The following LRRC4C variants were observed in gnomAD, a reference collection of about 807,000 sequenced individuals.
LRRC4C encodes leucine rich repeat containing 4C, also known as leucine-rich repeat-containing protein 4C.
A neutral mutation model predicts 33.6 loss-of-function variants in LRRC4C; 5 were observed. That is an observed-to-expected ratio of 0.15 (90% CI 0.08 to 0.31). LRRC4C has a LOEUF of 0.31. Among genes scored for constraint, LRRC4C ranks in the 10% least tolerant of loss-of-function variants. The pLI, the probability that LRRC4C is intolerant of heterozygous loss-of-function variation, is 1.00. For missense variants in LRRC4C, 560 were observed against 796.7 expected, an observed-to-expected ratio of 0.70 and a Z score of 3.58; for synonymous variants, 329 against 302.0, an observed-to-expected ratio of 1.09 and a Z score of -0.93.
chr11:41,300,775 C>A (rs1346167168), intron 1 of LRRC4C, among the ~76,000 whole-genome samples: 1 of 152,140 alleles, frequency 6.6e-6, no homozygotes, highest in Non-Finnish European at 1.5e-5. Context: ...ATCTAATTAG[C>A]AAATTTTGCT....
intron 3 of LRRC4C, among the ~76,000 whole-genome samples, chr11:40,427,369 T>A (rs1950755599): frequency 6.6e-6 from 1 of 152,054 alleles, no homozygotes; most frequent in South Asian, 2.1e-4. Context: ...TAGCCAGGCA[T>A]GGTGGTGCAC....
At position 41,442,467 on chromosome 11, in the gene LRRC4C, T is replaced by TTTTTC. The variant is rs1555172346; in HGVS notation, c.-496+16963_-496+16964insGAAAA. ...TCTTTGTTGCTTTTTTCTTTTTTTT[T>TTTTTC]TTTTTTTTTTTTTTTTTTTTGAGAC... On this transcript the variant is annotated intron_variant, in intron 1 of 6. Coordinates refer to ENST00000528697, the MANE Select transcript of LRRC4C (RefSeq NM_001258419.2). Among the ~76,000 whole-genome samples the TTTTTC allele has an allele frequency of 6.1e-3, 466 of 76,252 alleles. 30 individuals are homozygous for TTTTTC. Among genetic ancestry groups the TTTTTC allele is most frequent in the African/African-American group, 8.2e-3 (150 of 18,216 alleles). The allele number at this position is 76,252 out of a possible 152,430, so 50.0% of individuals were successfully genotyped here. A position where few individuals can be genotyped will look rare whatever the true frequency, so the allele number is the denominator to read the frequency against.
chr11:41,379,767 A>G (rs1953074421), intron 1 of LRRC4C, among the ~76,000 whole-genome samples: 1 of 152,136 alleles, frequency 6.6e-6, no homozygotes, highest in Non-Finnish European at 1.5e-5. Flanking sequence ...AGGGCAGAAT[A>G]GATGCTGTGT....
chr11:40,157,248 C>T (rs940595174), intron 5 of LRRC4C, among the ~76,000 whole-genome samples: 1 of 152,130 alleles, frequency 6.6e-6, no homozygotes, highest in Non-Finnish European at 1.5e-5. Flanking sequence ...TCACCTTATA[C>T]AAAAATCAAC....
intron 2 of LRRC4C, among the ~76,000 whole-genome samples, chr11:40,724,014 G>T (rs1390191280): frequency 6.6e-6 from 1 of 151,610 alleles, no homozygotes; most frequent in Non-Finnish European, 1.5e-5. Context: ...AAAAGACAAA[G>T]AAGGTTATTA....
chr11:40,792,222 T>C (rs1325730577), intron 2 of LRRC4C, among the ~76,000 whole-genome samples: 2 of 152,094 alleles, frequency 1.3e-5, no homozygotes, highest in African/African-American at 2.4e-5. Context: ...TTTTGAATAA[T>C]TATGAAATCA....
chr11:40,384,079 T>C (rs1470208034), intron 3 of LRRC4C, among the ~76,000 whole-genome samples: 6 of 151,740 alleles, frequency 4.0e-5, no homozygotes. Flanking sequence ...TTTTCTATAC[T>C]GTGGAGAAGT....
chr11:40,655,443 C>T (rs976944446), intron 2 of LRRC4C, among the ~76,000 whole-genome samples: 1 of 152,056 alleles, frequency 6.6e-6, no homozygotes, highest in African/African-American at 2.4e-5. Context: ...ATATGGCAAA[C>T]ATGCTATTAT....
intron 1 of LRRC4C, among the ~76,000 whole-genome samples, chr11:41,400,272 A>G (rs892376613): frequency 2.0e-5 from 3 of 151,980 alleles, no homozygotes; most frequent in African/African-American, 4.8e-5. Flanking sequence ...AAAAGTGCAT[A>G]TAACGTGTTG....
intron 2 of LRRC4C, among the ~76,000 whole-genome samples, chr11:40,671,725 A>T (rs1944128916): frequency 6.7e-6 from 1 of 149,786 alleles, no homozygotes; most frequent in African/African-American, 2.5e-5. Context: ...TGTAAATAGT[A>T]ATATATAATT....
intron 1 of LRRC4C, among the ~76,000 whole-genome samples, chr11:41,195,158 A>G (rs1247069945): frequency 6.6e-6 from 1 of 152,038 alleles, no homozygotes; most frequent in Non-Finnish European, 1.5e-5. Context: ...TTCTGTCACA[A>G]CTTAATTTCC....
At chr11:40,561,408 C>CTTTTTTTTTTTTTTTTTTTTTTTTTTT (rs549919738) in intron 3 of LRRC4C, among the ~76,000 whole-genome samples, 2 of 100,936 alleles carry the variant, frequency 2.0e-5, no homozygotes, top group African/African-American at 4.0e-5. Context: ...CTGAGGATTC[C>CTTTTTTTTTTTTTTTTTTTTTTTTTTT]TTTTTTTTTT....
chr11:41,084,346 A>G (rs1939798703), intron 1 of LRRC4C, among the ~76,000 whole-genome samples: 1 of 152,184 alleles, frequency 6.6e-6, no homozygotes, highest in African/African-American at 2.4e-5. Context: ...GTCCTTGGCT[A>G]TGCAATGGAG....
At chr11:41,029,731 G>C (rs1385833926) in intron 1 of LRRC4C, among the ~76,000 whole-genome samples, 1 of 151,810 alleles carries the variant, frequency 6.6e-6, no homozygotes, top group African/African-American at 2.4e-5. Flanking sequence ...ATCTCTGCAT[G>C]TAAGAGATTT....
At chr11:40,616,871 T>C (rs1388847092) in intron 3 of LRRC4C, among the ~76,000 whole-genome samples, 1 of 149,796 alleles carries the variant, frequency 6.7e-6, no homozygotes, top group African/African-American at 2.5e-5. Flanking sequence ...GTAACAAACC[T>C]GCACATTGTG....
intron 1 of LRRC4C, among the ~76,000 whole-genome samples, chr11:41,341,095 G>A (rs1163444505): frequency 1.3e-5 from 2 of 151,380 alleles, no homozygotes; most frequent in African/African-American, 2.4e-5. Flanking sequence ...TTACCTATAT[G>A]TGAAAGTGAT....
chr11:40,703,277 C>G (rs575749843), intron 2 of LRRC4C, among the ~76,000 whole-genome samples: 1 of 151,982 alleles, frequency 6.6e-6, no homozygotes, highest in African/African-American at 2.4e-5. Context: ...ATTGTAAAAC[C>G]CTCATCTAAC....
At chr11:40,605,917 A>C (rs1960534960) in intron 3 of LRRC4C, among the ~76,000 whole-genome samples, 1 of 152,072 alleles carries the variant, frequency 6.6e-6, no homozygotes, top group Admixed American at 6.6e-5. Flanking sequence ...TGCACTAGAA[A>C]CTGGATTCTT....
intron 1 of LRRC4C, among the ~76,000 whole-genome samples, chr11:40,956,217 C>T (rs905343811): frequency 2.0e-5 from 3 of 151,742 alleles, no homozygotes; most frequent in African/African-American, 7.3e-5. Flanking sequence ...CTCAATAGCC[C>T]TCTAAATTCC....
Sources: allele counts gnomAD v4.1 joint callset (sites outside exome capture counted in the v4.1 genomes callset), GRCh38; gene constraint gnomAD v4.1.1; transcripts MANE v1.5; gene names NCBI Gene and HGNC (gene_info 2026-07-23, HGNC 2026-07-21).